The following CFAP57 variants were observed in gnomAD, a reference collection of about 807,000 sequenced individuals.
The protein encoded by CFAP57 is cilia and flagella associated protein 57.
Under a neutral mutation model 146.8 loss-of-function variants are expected in CFAP57, and 116 were observed. That is an observed-to-expected ratio of 0.79 (90% confidence interval 0.68 to 0.92). CFAP57 has a LOEUF of 0.92. Among genes scored for constraint, CFAP57 ranks in the 40% least tolerant of loss-of-function variants. The pLI, the probability that CFAP57 is intolerant of heterozygous loss-of-function variation, is 0.00. For synonymous variants in CFAP57, 518 were observed against 552.8 expected (o/e 0.94, Z 0.88); for missense variants, 1,377 against 1,527.2 (o/e 0.90, Z 1.64).
intron 21 of CFAP57, among the ~76,000 whole-genome samples, chr1:43,242,226 TAGTC>T (rs1250653633): frequency 6.6e-6 from 1 of 152,112 alleles, no homozygotes; most frequent in East Asian, 1.9e-4. Flanking sequence ...GAATCCACCC[TAGTC>T]ATTCAGGCAG....
intron 2 of CFAP57, among the ~76,000 whole-genome samples, chr1:43,180,256 ATATAT>A (rs1395509954): frequency 6.9e-6 from 1 of 145,414 alleles, no homozygotes. Context: ...ATATACACAC[ATATAT>A]TATTTAAAAA....
At chr1:43,196,565 T>TG (rs1643877636) in intron 6 of CFAP57, 1 of 103,914 alleles carries the variant, frequency 9.6e-6, no homozygotes, top group Non-Finnish European at 2.5e-5. Context: ...GGGCAGAATT[T>TG]GAAAAAAAAA....
chr1:43,215,353 G>A lies in CFAP57; in HGVS notation c.2028G>A (p.Lys676=). The A allele has an allele frequency of 6.4e-7, 1 of 1,551,246 alleles. No individual in the cohort carries two copies. Among genetic ancestry groups the A allele is most frequent in the East Asian group, 2.4e-5 (1 of 40,930 alleles). Residue 676 remains lysine, a synonymous_variant, in exon 12 of 23, where the codon AAG becomes AAA. Transcript: ENST00000372492. ...KVFDKDGRGI[K]REREVGFAEE... ...TTGATAAGGATGGCCGGGGAATCAA[G>A]CGAGAGAGGGAGGTGGGCTTTGCCG... is the stretch of plus-strand genomic sequence containing the variant.
chr1:43,175,188 T>C (rs918012797), intron 2 of CFAP57, among the ~76,000 whole-genome samples: 1 of 152,186 alleles, frequency 6.6e-6, no homozygotes, highest in Non-Finnish European at 1.5e-5. Context: ...TCTTTTTTTC[T>C]GGATGTTTAA....
At chr1:43,191,446 G>A (rs774873957) in intron 6 of CFAP57, among the ~76,000 whole-genome samples, 1 of 151,992 alleles carries the variant, frequency 6.6e-6, no homozygotes, top group African/African-American at 2.4e-5. Flanking sequence ...AATTAGCCAG[G>A]CATGGTGGTG....
At chr1:43,184,843 G>A in intron 4 of CFAP57, 7 of 349,552 alleles carry the variant, frequency 2.0e-5, no homozygotes, top group South Asian at 1.5e-4. Context: ...CTTCAGCTCT[G>A]GGGTCCAGGC....
chr1:43,235,241 G>A (rs1645642846), intron 21 of CFAP57, among the ~76,000 whole-genome samples: 2 of 151,904 alleles, frequency 1.3e-5, no homozygotes, highest in South Asian at 4.2e-4. Context: ...CACCTCCCTG[G>A]ATCCTTCATA....
intron 22 of CFAP57, among the ~76,000 whole-genome samples, chr1:43,244,587 G>A (rs926180088): frequency 2.6e-5 from 4 of 152,158 alleles, no homozygotes; most frequent in African/African-American, 7.2e-5. Context: ...GTTGATGTGA[G>A]AGCATAGCGT....
At chr1:43,224,433 T>TA (rs1645165771) in intron 17 of CFAP57, among the ~76,000 whole-genome samples, 1 of 152,210 alleles carries the variant, frequency 6.6e-6, no homozygotes, top group Non-Finnish European at 1.5e-5. Context: ...AACCCAGTGT[T>TA]ATGGTTCGGG....
At chr1:43,252,342 A>G (rs1646346099) in intron 22 of CFAP57, among the ~76,000 whole-genome samples, 1 of 152,156 alleles carries the variant, frequency 6.6e-6, no homozygotes, top group South Asian at 2.1e-4. Context: ...CTGCATGACA[A>G]TTTCTAACCA....
intron 6 of CFAP57, among the ~76,000 whole-genome samples, chr1:43,189,695 A>T (rs980773574): frequency 1.3e-4 from 20 of 152,206 alleles, no homozygotes; most frequent in Non-Finnish European, 2.1e-4. Context: ...ATTTATAAAG[A>T]AAGGAAGTTT....
chr1:43,226,703 G>A (rs1490294705), intron 17 of CFAP57, among the ~76,000 whole-genome samples: 8 of 152,358 alleles, frequency 5.3e-5, no homozygotes, highest in Admixed American at 1.3e-4. Flanking sequence ...AGTGTGGGGC[G>A]GGAGATGCTG....
At chr1:43,252,181 GAAAA>G (rs1646341088) in intron 22 of CFAP57, among the ~76,000 whole-genome samples, 1 of 151,986 alleles carries the variant, frequency 6.6e-6, no homozygotes, top group Admixed American at 6.6e-5. Context: ...ACAAAGAAAA[GAAAA>G]GAAAGAGTCA....
chr1:43,222,359 C>A, intron 15 of CFAP57, 64 bp downstream of exon 15: 3 of 1,346,126 alleles, frequency 2.2e-6, no homozygotes, highest in Non-Finnish European at 1.9e-6. Context: ...TCACTCAGAT[C>A]TCCATGGCAT....
At chr1:43,209,691 G>T in intron 10 of CFAP57, 52 bp from the exon 11 acceptor site, 1 of 1,556,412 alleles carries the variant, frequency 6.4e-7, no homozygotes, top group Non-Finnish European at 8.8e-7. Flanking sequence ...GCACTGGGAC[G>T]TGGGGGCCAC....
In CFAP57 at chr1:43,254,043, G is replaced by C. The variant is rs1461259972; in HGVS notation, c.3605G>C (p.Arg1202Thr). ...TTGAATGAGCAAGAAGAAACTGGGA[G>C]GATCATTGAAATGCAGCGCCTAGAA... ...ARLNEQEETG[R>T]IIEMQRLEIQ... Residue 1202 changes from arginine (R) to threonine (T), a missense_variant, in exon 23 of 23, where the codon AGG (arginine) becomes ACG (threonine). Coordinates refer to ENST00000372492, the MANE Select transcript of CFAP57 (RefSeq NM_001378189.1). The C allele has an allele frequency of 4.5e-6, 7 of 1,550,496 alleles. No individual in the cohort carries two copies. Among genetic ancestry groups the C allele is most frequent in the African/African-American group, 1.4e-5 (1 of 73,038 alleles).
chr1:43,209,957 G>A (rs377738265), intron 11 of CFAP57, 41 bp downstream of exon 11: 29 of 1,613,666 alleles, frequency 1.8e-5, no homozygotes, highest in Non-Finnish European at 2.5e-5. Flanking sequence ...TCCCACACCT[G>A]CCTGCTACGT....
chr1:43,179,933 G>A (rs989822567), intron 2 of CFAP57, among the ~76,000 whole-genome samples: 7 of 151,940 alleles, frequency 4.6e-5, no homozygotes, highest in South Asian at 2.1e-4. Context: ...TAGGCCAGGC[G>A]TGGTGGCTCA....
chr1:43,210,100 T>G, intron 11 of CFAP57, 184 bp downstream of exon 11: 1 of 1,613,176 alleles, frequency 6.2e-7, no homozygotes, highest in Non-Finnish European at 8.5e-7. Context: ...TTCCAGGAAT[T>G]TAGCCTAGGA....
Sources: gnomAD v4.1 joint callset for allele counts (sites outside exome capture counted in the v4.1 genomes callset) on GRCh38, gnomAD v4.1.1 for gene constraint, MANE v1.5 for transcripts, NCBI Gene and HGNC (gene_info 2026-07-23, HGNC 2026-07-21) for gene names.